Variants in GLIS3 observed in about 807,000 individuals in gnomAD.
GLIS3 encodes zinc finger protein GLIS3.
A neutral mutation model predicts 78.6 loss-of-function variants in GLIS3; 53 were observed. The ratio of observed to expected loss-of-function variants is 0.67; its 90% CI spans 0.54 to 0.85. The LOEUF is 0.85. Among genes scored for constraint, GLIS3 ranks in the 40% least tolerant of loss-of-function variants. The pLI is 0.00. For synonymous variants in GLIS3, 684 were observed against 509.9 expected, an observed-to-expected ratio of 1.34 and a Z score of -4.60; for missense variants, 1,703 against 1,231.1, an observed-to-expected ratio of 1.38 and a Z score of -5.74.
In GLIS3 at chr9:4,209,101, G is replaced by A. The variant is rs528948093; in HGVS notation, c.388+76937C>T. Among the ~76,000 whole-genome samples, 293 of 152,216 alleles carry A rather than the reference G, an allele frequency of 1.9e-3. 1 individual carries two copies. The highest frequency in any genetic ancestry group is 3.2e-3 in the Non-Finnish European group (221 of 68,024). On this transcript the variant is annotated intron_variant, in intron 2 of 10. Transcript: ENST00000381971. ...TTTTAAAAGATGACATATAAATTAC[G>A]TAAGTCCTAAGATTTTCTTCCTGCA...
At chr9:4,366,088 C>A in the GLIS3 span, among the ~76,000 whole-genome samples, 2 of 152,250 alleles carry the variant, frequency 1.3e-5, no homozygotes, top group African/African-American at 4.8e-5. Context: ...GGGTATGGGG[C>A]ACCCAGAAGA....
At chr9:4,318,008 T>C (rs12002043) in intron 2 of GLIS3, among the ~76,000 whole-genome samples, 8,004 of 152,230 alleles carry the variant, frequency 0.053, 720 homozygotes, top group African/African-American at 0.18. Context: ...AGAAAGAACA[T>C]GTGTATAATG....
the GLIS3 span, among the ~76,000 whole-genome samples, chr9:4,455,406 G>A: frequency 2.0e-5 from 3 of 152,110 alleles, no homozygotes; most frequent in Non-Finnish European, 4.4e-5. Context: ...AGAAGAGGAT[G>A]GAAGTGGAAG....
rs1587134898 is a variant in GLIS3 at position 4,247,636 on chromosome 9, G to C, written c.388+38402C>G. ...CATTACAATTTACCATTTGGGGAAAGATACAGACAATTCAGTAAGATAAAA... is the reference window on the plus strand; with the variant it reads ...CATTACAATTTACCATTTGGGGAAACATACAGACAATTCAGTAAGATAAAA... On this transcript the variant is annotated intron_variant, in intron 2 of 10. Transcript: ENST00000381971. Among the ~76,000 whole-genome samples, 8 of 152,036 alleles carry C rather than the reference G, an allele frequency of 5.3e-5. 1 individual carries two copies. Among genetic ancestry groups the C allele is most frequent in the Admixed American group, 3.9e-4 (6 of 15,270 alleles).
intron 2 of GLIS3, among the ~76,000 whole-genome samples, chr9:4,342,987 C>G (rs781771043): frequency 1.3e-5 from 2 of 151,992 alleles, no homozygotes; most frequent in Non-Finnish European, 2.9e-5. Context: ...GATCTAGGAG[C>G]TTTTGGGCAT....
At chr9:4,152,573 C>G (rs2131045035) in intron 2 of GLIS3, among the ~76,000 whole-genome samples, 1 of 152,242 alleles carries the variant, frequency 6.6e-6, no homozygotes, top group Non-Finnish European at 1.5e-5. Context: ...TAAATAATCT[C>G]TCAAATCCTT....
the GLIS3 span, among the ~76,000 whole-genome samples, chr9:4,429,386 A>C: frequency 6.6e-6 from 1 of 150,626 alleles, no homozygotes; most frequent in African/African-American, 2.4e-5. Context: ...TGTGTTTTCT[A>C]TGTTTTCTCT....
At chr9:3,995,120 A>G (rs1209075208) in intron 4 of GLIS3, among the ~76,000 whole-genome samples, 3 of 152,246 alleles carry the variant, frequency 2.0e-5, no homozygotes, top group African/African-American at 4.8e-5. Context: ...AACTGGGAGG[A>G]GCAAAACCAA....
chr9:4,417,333 C>T, the GLIS3 span, among the ~76,000 whole-genome samples: 2 of 152,062 alleles, frequency 1.3e-5, no homozygotes, highest in Admixed American at 6.6e-5. Context: ...GAATTTTGTT[C>T]GTATCAAACC....
At chr9:3,954,236 G>A (rs1464219510) in intron 4 of GLIS3, among the ~76,000 whole-genome samples, 1 of 152,184 alleles carries the variant, frequency 6.6e-6, no homozygotes, top group Non-Finnish European at 1.5e-5. Flanking sequence ...GCACCAGGGA[G>A]AAATCTATGG....
At chr9:4,192,150 C>T (rs1465665953) in intron 2 of GLIS3, among the ~76,000 whole-genome samples, 2 of 152,132 alleles carry the variant, frequency 1.3e-5, no homozygotes, top group Non-Finnish European at 2.9e-5. Context: ...CTTAAAAACA[C>T]TCAGTTTCCC....
At chr9:4,027,987 G>A (rs1447402961) in intron 4 of GLIS3, among the ~76,000 whole-genome samples, 1 of 152,166 alleles carries the variant, frequency 6.6e-6, no homozygotes, top group African/African-American at 2.4e-5. Flanking sequence ...CAAGAGACCT[G>A]TATGCAAAGT....
chr9:3,864,537 G>T (rs2130328083), intron 8 of GLIS3, among the ~76,000 whole-genome samples: 1 of 152,254 alleles, frequency 6.6e-6, no homozygotes, highest in South Asian at 2.1e-4. Flanking sequence ...TGCCAAGTGT[G>T]GTCAGGTACC....
intron 2 of GLIS3, among the ~76,000 whole-genome samples, chr9:4,220,424 C>G (rs548254578): frequency 6.6e-6 from 1 of 152,330 alleles, no homozygotes; most frequent in African/African-American, 2.4e-5. Context: ...AGAAAACTGG[C>G]ACACAGTATC....
the GLIS3 span, among the ~76,000 whole-genome samples, chr9:4,388,264 CATG>C: frequency 6.6e-6 from 1 of 152,120 alleles, no homozygotes; most frequent in Non-Finnish European, 1.5e-5. Context: ...ATAAGAGTTT[CATG>C]ATAATAGAAG....
chr9:4,208,086 A>C (rs984432356), intron 2 of GLIS3, among the ~76,000 whole-genome samples: 3 of 152,224 alleles, frequency 2.0e-5, no homozygotes, highest in African/African-American at 4.8e-5. Flanking sequence ...TTGCCTGCCA[A>C]GAGCAGGCCT....
At chr9:4,192,548 G>A (rs1436946117) in intron 2 of GLIS3, among the ~76,000 whole-genome samples, 2 of 152,208 alleles carry the variant, frequency 1.3e-5, no homozygotes, top group Admixed American at 6.5e-5. Context: ...CTCACCAACA[G>A]CTTGGTCAGG....
At chr9:4,073,890 G>C (rs1827830031) in intron 4 of GLIS3, among the ~76,000 whole-genome samples, 1 of 152,210 alleles carries the variant, frequency 6.6e-6, no homozygotes, top group Admixed American at 6.5e-5. Flanking sequence ...CTCTGTGTGT[G>C]TCTGATGTGT....
At chr9:4,083,669 T>A (rs1359117509) in intron 4 of GLIS3, among the ~76,000 whole-genome samples, 1 of 152,182 alleles carries the variant, frequency 6.6e-6, no homozygotes, top group Non-Finnish European at 1.5e-5. Flanking sequence ...TGACAATGTT[T>A]AAGAGTAAGT....
Sources: allele counts gnomAD v4.1 joint callset (sites outside exome capture counted in the v4.1 genomes callset), GRCh38; gene constraint gnomAD v4.1.1; transcripts MANE v1.5; gene names NCBI Gene and HGNC (gene_info 2026-07-23, HGNC 2026-07-21).